SMG7: variants seen among roughly 807,000 people sequenced by gnomAD.
SMG7 encodes nonsense-mediated mRNA decay factor SMG7.
SMG7 carries 34 observed loss-of-function variants against 148.2 expected under a neutral mutation model. The ratio of observed to expected loss-of-function variants is 0.23; its 90% CI spans 0.17 to 0.31. The LOEUF is 0.31. SMG7 is among the 10% of genes least tolerant of loss of function. The pLI is 1.00. For missense variants in SMG7, 1,114 were observed against 1,408.4 expected (o/e 0.79, Z 3.35); for synonymous variants, 492 against 515.1 (o/e 0.96, Z 0.61).
chr1:183,537,213 G>T lies in SMG7; in HGVS notation c.1232G>T (p.Ser411Ile). ...HPHEEDLSSI[S>I]ATPLPEEFEL... is the part of the protein sequence containing the mutation. ...CATGAAGAGGACCTCTCAAGTATTAGTGGTAAGGGCTACCCTAACCTTGTG... is the reference window on the plus strand; with the variant it reads ...CATGAAGAGGACCTCTCAAGTATTATTGGTAAGGGCTACCCTAACCTTGTG... The change falls in exon 11 of 23, where the codon AGT becomes ATT. Residue 411 changes from serine (S) to isoleucine (I), a missense_variant and splice_region_variant. Transcript: ENST00000688051. 1 of 1,607,746 alleles carries T rather than the reference G, an allele frequency of 6.2e-7. No individual in the cohort carries two copies. The highest frequency in any genetic ancestry group is 8.5e-7 in the Non-Finnish European group (1 of 1,174,374).
intron 1 of SMG7, among the ~76,000 whole-genome samples, chr1:183,486,636 C>T (rs1042101253): frequency 6.6e-6 from 1 of 151,422 alleles, no homozygotes; most frequent in African/African-American, 2.4e-5. Flanking sequence ...GTCTCGAACT[C>T]CTGACCTCGT....
At chr1:183,512,948 G>A (rs1423395485) in intron 2 of SMG7, 80 bp downstream of exon 2, 11 of 1,298,096 alleles carry the variant, frequency 8.5e-6, no homozygotes, top group Middle Eastern at 2.4e-4. Context: ...CTTATATTAT[G>A]CACAGCACTA....
intron 10 of SMG7, among the ~76,000 whole-genome samples, chr1:183,535,727 T>C (rs1281154131): frequency 6.6e-6 from 1 of 152,172 alleles, no homozygotes; most frequent in Admixed American, 6.5e-5. Flanking sequence ...GGAATAGTGA[T>C]TTTCCTTTGT....
At chr1:183,535,254 A>G (rs1322188242) in intron 10 of SMG7, among the ~76,000 whole-genome samples, 3 of 152,208 alleles carry the variant, frequency 2.0e-5, no homozygotes, top group Non-Finnish European at 2.9e-5. Context: ...TTGTTCTTGT[A>G]CAGTGATCCT....
At chr1:183,533,448 G>A (rs1015538076) in intron 9 of SMG7, 122 bp downstream of exon 9, 1 of 1,100,132 alleles carries the variant, frequency 9.1e-7, no homozygotes, top group African/African-American at 1.6e-5. Flanking sequence ...ACTGAATCAG[G>A]AGTTCATAAT....
chr1:183,472,538 A>T lies in SMG7; in HGVS notation c.-83A>T. ...GAGGAAGATGGCGGCGGCCGCCAGC[A>T]CCCGCGGTGCCGCGGGGCCGCTCCG... On this transcript the variant is annotated 5_prime_UTR_variant, in exon 1 of 23. Coordinates refer to ENST00000688051, the MANE Select transcript of SMG7 (RefSeq NM_001375584.1). 2 of 1,294,478 alleles carry T rather than the reference A, an allele frequency of 1.5e-6. No individual in the cohort carries two copies. The highest frequency in any genetic ancestry group is 2.0e-6 in the Non-Finnish European group (2 of 996,432). The allele number at this position is 1,294,478 out of a possible 1,614,324, so 80.2% of individuals were successfully genotyped here. A position where few individuals can be genotyped will look rare whatever the true frequency, so the allele number is the denominator to read the frequency against.
At position 183,552,954 on chromosome 1, in the gene SMG7, G is replaced by T; in HGVS notation, c.*1023G>T. 1 of 1,534,750 alleles carries T rather than the reference G, an allele frequency of 6.5e-7. No homozygotes were observed. The highest frequency in any genetic ancestry group is 1.4e-5 in the African/African-American group (1 of 73,038). On this transcript the variant is annotated 3_prime_UTR_variant, in exon 23 of 23. Transcript: ENST00000688051. ...TAGTAATTGTTTTTATTCCTAATGT[G>T]TGCAACATCACATCTCCCCAAGAAG...
In SMG7 at chr1:183,490,406, T is replaced by A. The variant is rs1656652292; in HGVS notation, c.29+17757T>A. 2.0e-5 allele frequency among the ~76,000 whole-genome samples: 3 copies of A among 152,232 alleles called. No homozygotes were observed. In the South Asian group the frequency reaches 6.2e-4, roughly 31 times the overall value. ...GGCATTTATTTTGTAGAAATTGTTT[T>A]ATTCTTACCTGTGGACATTTTCTAT... On this transcript the variant is annotated intron_variant, in intron 1 of 22. Transcript: ENST00000688051.
At chr1:183,496,563 AT>A (rs1240983468) in intron 1 of SMG7, among the ~76,000 whole-genome samples, 3 of 151,962 alleles carry the variant, frequency 2.0e-5, no homozygotes, top group Non-Finnish European at 2.9e-5. Context: ...CTCAGGCCTC[AT>A]TTTACTTTAT....
At position 183,541,072 on chromosome 1, in the gene SMG7, A is replaced by C; in HGVS notation, c.1384A>C (p.Ile462Leu). The C allele has an allele frequency of 6.2e-7, 1 of 1,613,408 alleles. No individual in the cohort carries two copies. Among genetic ancestry groups the C allele is most frequent in the East Asian group, 2.2e-5 (1 of 44,874 alleles). Residue 462 changes from isoleucine to leucine, a missense_variant, in exon 13 of 23, where the codon ATA becomes CTA. Coordinates refer to ENST00000688051, the MANE Select transcript of SMG7 (RefSeq NM_001375584.1). ...RRIRQQRLIS[I>L]GKWIADNQPR... The stretch of plus-strand genomic sequence containing the variant: ...AATACGACAGCAACGCTTGATCTCT[A>C]TAGGCAAATGGATTGCTGATAATCA...
At chr1:183,490,014 T>G (rs1441421190) in intron 1 of SMG7, among the ~76,000 whole-genome samples, 1 of 152,190 alleles carries the variant, frequency 6.6e-6, no homozygotes, top group Non-Finnish European at 1.5e-5. Flanking sequence ...CAGAACCTCT[T>G]GGGATATGGC....
At chr1:183,515,749 A>G (rs764904080) in intron 2 of SMG7, 125 bp from the exon 3 acceptor site, 19 of 490,148 alleles carry the variant, frequency 3.9e-5, no homozygotes, top group Middle Eastern at 7.0e-4. Context: ...GCAGCATTCT[A>G]TGGAATATAT....
chr1:183,541,250 G>C, intron 13 of SMG7, 147 bp downstream of exon 13: 1 of 694,042 alleles, frequency 1.4e-6, no homozygotes, highest in South Asian at 1.8e-5. Context: ...CTCTTAAATC[G>C]ACATGTTGGT....
chr1:183,485,428 G>T (rs1376160071), intron 1 of SMG7, among the ~76,000 whole-genome samples: 3 of 152,128 alleles, frequency 2.0e-5, no homozygotes, highest in Admixed American at 1.3e-4. Context: ...ACTTAGGGGA[G>T]ATAAGTTTTT....
chr1:183,531,811 A>G (rs1025376511), intron 8 of SMG7, among the ~76,000 whole-genome samples: 1 of 152,196 alleles, frequency 6.6e-6, no homozygotes, highest in Non-Finnish European at 1.5e-5. Context: ...TTTGAGAAAT[A>G]CAACTACATA....
At chr1:183,542,592 C>A in intron 14 of SMG7, 90 bp downstream of exon 14, 1 of 1,106,862 alleles carries the variant, frequency 9.0e-7, no homozygotes, top group Non-Finnish European at 1.3e-6. Context: ...TGAGAATTGG[C>A]CGTCCTGGAA....
intron 8 of SMG7, among the ~76,000 whole-genome samples, chr1:183,529,796 A>G (rs1306050490): frequency 6.6e-6 from 1 of 152,148 alleles, no homozygotes; most frequent in Non-Finnish European, 1.5e-5. Flanking sequence ...AAAAATAAAT[A>G]ACTCCTCAGT....
At position 183,553,063 on chromosome 1, in the gene SMG7, G is replaced by A. The variant is rs544616534; in HGVS notation, c.*1132G>A. The A allele has an allele frequency of 2.0e-5, 31 of 1,536,212 alleles. No homozygotes were observed. In the Admixed American group the frequency reaches 3.1e-4, roughly 16 times the overall value. On this transcript the variant is annotated 3_prime_UTR_variant, in exon 23 of 23. Coordinates refer to ENST00000688051, the MANE Select transcript of SMG7 (RefSeq NM_001375584.1). ...GCAGTATCTGCGTAGCCCACAGAGG[G>A]CCCAGGCCCCTGCCCAGCTGCAGTC... is the stretch of plus-strand genomic sequence containing the variant.
chr1:183,543,330 CAAATA>C (rs1334469446), intron 14 of SMG7, among the ~76,000 whole-genome samples: 1 of 151,940 alleles, frequency 6.6e-6, no homozygotes, highest in African/African-American at 2.4e-5. Context: ...AGGCTGCTTA[CAAATA>C]AATAGTACCT....
Sources: gnomAD v4.1 joint callset for allele counts (sites outside exome capture counted in the v4.1 genomes callset) on GRCh38, gnomAD v4.1.1 for gene constraint, MANE v1.5 for transcripts, NCBI Gene and HGNC (gene_info 2026-07-23, HGNC 2026-07-21) for gene names.